Variants in DENND1A observed in about 807,000 individuals in gnomAD.
DENND1A encodes DENN domain containing 1A, also known as DENN domain-containing protein 1A.
A neutral mutation model predicts 113.7 loss-of-function variants in DENND1A; 51 were observed. The ratio of observed to expected loss-of-function variants is 0.45; its 90% confidence interval spans 0.36 to 0.57. The LOEUF is 0.57. Among genes scored for constraint, DENND1A ranks in the 20% least tolerant of loss-of-function variants. The pLI is 0.00. For missense variants in DENND1A, 1,258 were observed against 1,395.9 expected (o/e 0.90, Z 1.57); for synonymous variants, 565 against 570.8 (o/e 0.99, Z 0.14).
At chr9:123,437,862 A>T (rs1249230697) in intron 19 of DENND1A, 10 of 152,118 alleles carry the variant, frequency 6.6e-5, no homozygotes, top group Non-Finnish European at 1.3e-4. Context: ...GAGAATATAT[A>T]CCATTAGGGC....
chr9:123,516,884 CAAAAAAAAAAAAAAAAAAAA>C lies in DENND1A; in HGVS notation c.993+40666_993+40685del, dbSNP rs546001517. On this transcript the variant is annotated intron_variant, in intron 13 of 23. Transcript: ENST00000394215. ...CTGGTGACAGAGTGAGACTCTGTCTCAAAAAAAAAAAAAAAAAAAAAAAAAAAAAAAAAAAGAACGGACAA... is the reference window on the plus strand; with the variant it reads ...CTGGTGACAGAGTGAGACTCTGTCTCAAAAAAAAAAAAAAAGAACGGACAA... Among the ~76,000 whole-genome samples, 245 of 93,354 alleles carry C rather than the reference CAAAAAAAAAAAAAAAAAAAA, an allele frequency of 2.6e-3. 7 individuals carry two copies. The highest frequency in any genetic ancestry group is 0.013 in the Admixed American group (122 of 9,480). The allele number at this position is 93,354 out of a possible 152,430, so 61.2% of individuals were successfully genotyped here.
In DENND1A at chr9:123,382,231, C is replaced by G; in HGVS notation, c.2414G>C (p.Arg805Thr). The G allele has an allele frequency of 1.2e-6, 2 of 1,609,534 alleles. No homozygotes were observed. Among genetic ancestry groups the G allele is most frequent in the Non-Finnish European group, 1.7e-6 (2 of 1,179,532 alleles). Residue 805 changes from arginine (R) to threonine (T), a missense_variant, in exon 24 of 24, where the codon AGG becomes ACG. Arg to Thr is a moderately conservative substitution (Grantham distance 71, BLOSUM62 -1). Coordinates refer to ENST00000394215, the MANE Select transcript of DENND1A (RefSeq NM_001352964.2). ...GAGCCCTGGACTCAGGGCAGCTCGC[C>G]TGTCCCGATCCGTCTGCAGCCGCTC... is the stretch of plus-strand genomic sequence containing the variant. ...VSERLQTDRD[R>T]RAALSPGLLP...
chr9:123,828,264 T>G (rs1002795909), intron 2 of DENND1A, among the ~76,000 whole-genome samples: 4 of 151,918 alleles, frequency 2.6e-5, no homozygotes, highest in African/African-American at 7.3e-5. Flanking sequence ...AAAAAATGAA[T>G]TAATAACTCA....
intron 18 of DENND1A, among the ~76,000 whole-genome samples, chr9:123,446,107 C>T (rs2047285473): frequency 6.6e-6 from 1 of 152,182 alleles, no homozygotes; most frequent in Non-Finnish European, 1.5e-5. Flanking sequence ...CCTCAGAAGC[C>T]CAAACACCAC....
chr9:123,733,498 G>A (rs1288623751), intron 5 of DENND1A, among the ~76,000 whole-genome samples: 1 of 152,112 alleles, frequency 6.6e-6, no homozygotes, highest in African/African-American at 2.4e-5. Context: ...TGTTGGCCAG[G>A]CTGGTCTCAA....
intron 1 of DENND1A, among the ~76,000 whole-genome samples, chr9:123,921,281 A>G (rs1228331495): frequency 6.6e-6 from 1 of 152,084 alleles, no homozygotes; most frequent in Non-Finnish European, 1.5e-5. Flanking sequence ...TATCACAACA[A>G]CCCTGTAGGT....
chr9:123,393,168 C>T (rs573785726), intron 21 of DENND1A, among the ~76,000 whole-genome samples: 25 of 152,334 alleles, frequency 1.6e-4, no homozygotes, highest in South Asian at 4.1e-4. Flanking sequence ...CTTAAATGCA[C>T]GTATTCGTAA....
chr9:123,623,570 T>C (rs958813424), intron 10 of DENND1A, among the ~76,000 whole-genome samples: 1 of 152,144 alleles, frequency 6.6e-6, no homozygotes, highest in Non-Finnish European at 1.5e-5. Context: ...AAAAAATAAT[T>C]TGAGAAATAT....
At chr9:123,899,139 C>T (rs977837679) in intron 1 of DENND1A, among the ~76,000 whole-genome samples, 4 of 152,364 alleles carry the variant, frequency 2.6e-5, no homozygotes, top group Non-Finnish European at 4.4e-5. Flanking sequence ...ACACTATCTT[C>T]CTGGTGACAA....
At chr9:123,517,390 T>A (rs1588946746) in intron 13 of DENND1A, among the ~76,000 whole-genome samples, 1 of 151,244 alleles carries the variant, frequency 6.6e-6, no homozygotes, top group East Asian at 1.9e-4. Context: ...GAGGCCAAGG[T>A]GGGTGGATCA....
intron 12 of DENND1A, among the ~76,000 whole-genome samples, chr9:123,564,196 A>T (rs2136188508): frequency 6.6e-6 from 1 of 152,344 alleles, no homozygotes; most frequent in African/African-American, 2.4e-5. Context: ...TCTCCCCAGG[A>T]GAATGAAAAT....
intron 12 of DENND1A, among the ~76,000 whole-genome samples, chr9:123,569,902 G>T (rs558205593): frequency 2.6e-5 from 4 of 152,110 alleles, no homozygotes; most frequent in Non-Finnish European, 4.4e-5. Flanking sequence ...TCATTCCCTG[G>T]CTTAATCACC....
At chr9:123,778,455 CT>C (rs1199742168) in intron 3 of DENND1A, among the ~76,000 whole-genome samples, 1 of 152,190 alleles carries the variant, frequency 6.6e-6, no homozygotes, top group Admixed American at 6.5e-5. Context: ...AGGTAAGTCA[CT>C]CTTTCAAAGT....
At chr9:123,383,522 C>A in intron 23 of DENND1A, 133 bp downstream of exon 23, 2 of 1,404,852 alleles carry the variant, frequency 1.4e-6, no homozygotes, top group Non-Finnish European at 1.9e-6. Context: ...GTCACACTGA[C>A]CCTGAGCATT....
intron 13 of DENND1A, among the ~76,000 whole-genome samples, chr9:123,478,577 T>C (rs1325323524): frequency 1.3e-5 from 2 of 152,236 alleles, no homozygotes; most frequent in African/African-American, 2.4e-5. Flanking sequence ...TAGTTACTGA[T>C]AGACATGCTG....
At chr9:123,741,013 T>C (rs907814907) in intron 5 of DENND1A, among the ~76,000 whole-genome samples, 3 of 151,958 alleles carry the variant, frequency 2.0e-5, no homozygotes, top group East Asian at 1.9e-4. Flanking sequence ...TAAGTACTTA[T>C]GTAGAATCTA....
At chr9:123,709,664 C>A (rs2066458404) in intron 5 of DENND1A, among the ~76,000 whole-genome samples, 1 of 152,200 alleles carries the variant, frequency 6.6e-6, no homozygotes, top group Non-Finnish European at 1.5e-5. Flanking sequence ...CTAACGTCTG[C>A]AGGGGCCAAT....
chr9:123,480,451 C>G (rs2050245042), intron 13 of DENND1A, among the ~76,000 whole-genome samples: 1 of 152,228 alleles, frequency 6.6e-6, no homozygotes, highest in Non-Finnish European at 1.5e-5. Flanking sequence ...CTGGAGCTTC[C>G]CATACGCTGT....
chr9:123,789,986 T>G (rs1393620751), intron 3 of DENND1A, among the ~76,000 whole-genome samples: 2 of 101,278 alleles, frequency 2.0e-5, no homozygotes, highest in African/African-American at 6.7e-5. Flanking sequence ...GGGGAATTTG[T>G]GTGTGTGTGT....
Sources: allele counts gnomAD v4.1 joint callset (sites outside exome capture counted in the v4.1 genomes callset), GRCh38; gene constraint gnomAD v4.1.1; transcripts MANE v1.5; gene names NCBI Gene and HGNC (gene_info 2026-07-23, HGNC 2026-07-21).